The following HNF4G variants were observed in gnomAD, a reference collection of about 807,000 sequenced individuals.
The protein encoded by HNF4G is hepatocyte nuclear factor 4 gamma, also known as hepatocyte nuclear factor 4-gamma.
HNF4G carries 21 observed loss-of-function variants against 50.9 expected under a neutral mutation model. The ratio of observed to expected loss-of-function variants is 0.41; its 90% CI spans 0.29 to 0.59. HNF4G has a LOEUF of 0.59. Among genes scored for constraint, HNF4G ranks in the 20% least tolerant of loss-of-function variants. The pLI, the probability that HNF4G is intolerant of heterozygous loss-of-function variation, is 0.26. For missense variants in HNF4G, 527 were observed against 559.4 expected, an observed-to-expected ratio of 0.94 and a Z score of 0.58; for synonymous variants, 198 against 185.6, an observed-to-expected ratio of 1.07 and a Z score of -0.54.
At chr8:75,478,383 G>A (rs568900965) in intron 1 of HNF4G, among the ~76,000 whole-genome samples, 1 of 152,300 alleles carries the variant, frequency 6.6e-6, no homozygotes, top group African/African-American at 2.4e-5. Flanking sequence ...GAATACTTCC[G>A]CAGGCATTCT....
chr8:75,455,347 T>G (rs1209137469), intron 1 of HNF4G, among the ~76,000 whole-genome samples: 1 of 152,204 alleles, frequency 6.6e-6, no homozygotes, highest in Non-Finnish European at 1.5e-5. Context: ...TTTGTTTTTA[T>G]TTAATCATAT....
At chr8:75,494,341 CACACACACAG>C (rs1237965830) in intron 2 of HNF4G, among the ~76,000 whole-genome samples, 1 of 145,992 alleles carries the variant, frequency 6.8e-6, no homozygotes, top group Non-Finnish European at 1.5e-5. Flanking sequence ...CACACACACA[CACACACACAG>C]GTTGACAATA....
intron 1 of HNF4G, among the ~76,000 whole-genome samples, chr8:75,488,541 G>A (rs558859438): frequency 2.2e-4 from 34 of 152,204 alleles, no homozygotes; most frequent in African/African-American, 8.2e-4. Flanking sequence ...GCTTCCCAAA[G>A]TGCTGGGATT....
chr8:75,467,779 T>A (rs1046906305), intron 1 of HNF4G, among the ~76,000 whole-genome samples: 22 of 152,322 alleles, frequency 1.4e-4, no homozygotes, highest in Middle Eastern at 3.4e-3. Context: ...TATTTTTTTT[T>A]AAAATGTCAT....
Position 75,558,535 on chromosome 8 carries a change from C to G in HNF4G, c.751C>G (p.His251Asp). The G allele has an allele frequency of 6.2e-7, 1 of 1,612,212 alleles. No homozygotes were observed. Among genetic ancestry groups the G allele is most frequent in the Non-Finnish European group, 8.5e-7 (1 of 1,179,426 alleles). Residue 251 changes from histidine to aspartate, a missense_variant, in exon 7 of 10, where the codon CAC (histidine) becomes GAC (aspartate). Physicochemically the swap from His to Asp is moderately conservative, Grantham distance 81. Around this residue, in one of 5 missense-constraint regions of HNF4G, gnomAD observed 308 missense variants for 301.5 expected, o/e 1.02. Coordinates refer to ENST00000396423, the MANE Select transcript of HNF4G (RefSeq NM_004133.5). The part of the protein sequence containing the change: ...ILLLGNNYVI[H>D]RNSCEVEISR... ...TCTCATAGGAAACAACTATGTTATTCACCGCAACAGCTGTGAAGTTGAGAT... is the reference window on the plus strand; with the variant it reads ...TCTCATAGGAAACAACTATGTTATTGACCGCAACAGCTGTGAAGTTGAGAT...
At chr8:75,527,512 G>T (rs950535515) in intron 2 of HNF4G, among the ~76,000 whole-genome samples, 2 of 151,970 alleles carry the variant, frequency 1.3e-5, no homozygotes, top group Non-Finnish European at 2.9e-5. Context: ...AATGAGAATC[G>T]GTATACAAAC....
At chr8:75,560,596 C>A in intron 9 of HNF4G, 130 bp downstream of exon 9, 1 of 695,274 alleles carries the variant, frequency 1.4e-6, no homozygotes, top group Non-Finnish European at 2.4e-6. Context: ...TGAGACTCAG[C>A]AGTAGAAGAC....
intron 1 of HNF4G, among the ~76,000 whole-genome samples, chr8:75,481,319 C>T (rs188986039): frequency 1.3e-5 from 2 of 152,170 alleles, no homozygotes; most frequent in Admixed American, 6.5e-5. Context: ...TGTGCTTTTC[C>T]ACTTCTGGAA....
At chr8:75,512,576 T>G (rs1221428697) in intron 2 of HNF4G, among the ~76,000 whole-genome samples, 2 of 152,110 alleles carry the variant, frequency 1.3e-5, no homozygotes, top group Non-Finnish European at 2.9e-5. Context: ...GCCATTCTCC[T>G]GACTCGGCCT....
chr8:75,466,637 T>TTCCTTCCTTCG (rs1563517767), intron 1 of HNF4G, among the ~76,000 whole-genome samples: 2 of 21,206 alleles, frequency 9.4e-5, no homozygotes, highest in African/African-American at 2.9e-4. Flanking sequence ...TCCTTCCTTC[T>TTCCTTCCTTCG]CCCTTCCCTT....
chr8:75,413,371 C>G (rs564664324), intron 1 of HNF4G, among the ~76,000 whole-genome samples: 31 of 111,126 alleles, frequency 2.8e-4, no homozygotes, highest in African/African-American at 1.0e-3. Context: ...GTGAGAACTA[C>G]GATAGTGGCC....
At chr8:75,423,599 C>T (rs946670518) in intron 1 of HNF4G, among the ~76,000 whole-genome samples, 2 of 151,688 alleles carry the variant, frequency 1.3e-5, no homozygotes, top group African/African-American at 4.8e-5. Context: ...ACCTTGTTAG[C>T]CAGGATGGTC....
At chr8:75,410,304 A>T (rs1810470455) in intron 1 of HNF4G, among the ~76,000 whole-genome samples, 1 of 152,196 alleles carries the variant, frequency 6.6e-6, no homozygotes, top group African/African-American at 2.4e-5. Context: ...TTCTTGTACC[A>T]TGCTTGCCAA....
At chr8:75,464,478 AT>A (rs928195127) in intron 1 of HNF4G, among the ~76,000 whole-genome samples, 1 of 151,658 alleles carries the variant, frequency 6.6e-6, no homozygotes, top group African/African-American at 2.4e-5. Context: ...ATTGTCTCAG[AT>A]TTTTTCCCCT....
chr8:75,502,866 T>C (rs186022033), intron 2 of HNF4G, among the ~76,000 whole-genome samples: 9 of 152,300 alleles, frequency 5.9e-5, no homozygotes, highest in Admixed American at 5.2e-4. Flanking sequence ...TCTGAAATTG[T>C]CTGTTAGTAG....
In HNF4G at chr8:75,544,093, A is replaced by G. The variant is rs918105410; in HGVS notation, c.287+114A>G. The G allele has an allele frequency of 4.2e-5, 37 of 870,718 alleles. No homozygotes were observed. The African/African-American group carries it at 4.6e-4, about 11-fold the overall frequency. The allele number at this position is 870,718 out of a possible 1,614,324, so 53.9% of individuals were successfully genotyped here. A position where few individuals can be genotyped will look rare whatever the true frequency, so the allele number is the denominator to read the frequency against. ...GTATATCTGTAAGTCTATAAATACA[A>G]TCTCTAAACTGCGGTACAAGTAAGA... is the stretch of plus-strand genomic sequence containing the variant. On this transcript the variant is annotated intron_variant, in intron 2 of 9. Transcript: ENST00000396423.
intron 1 of HNF4G, among the ~76,000 whole-genome samples, chr8:75,415,718 A>G (rs1036369138): frequency 3.3e-5 from 5 of 151,898 alleles, no homozygotes; most frequent in African/African-American, 1.2e-4. Flanking sequence ...GTCAATATCA[A>G]ATATAGGTTT....
rs1390639495 is a variant in HNF4G at position 75,566,001 on chromosome 8, A to G, written c.*1905A>G. ...TTGATCATACAAATAACTTTTGTAG[A>G]TTTTTGTTTACTTTTGGGGGGGTTC... On this transcript the variant is annotated 3_prime_UTR_variant, in exon 10 of 10. Coordinates refer to ENST00000396423, the MANE Select transcript of HNF4G (RefSeq NM_004133.5). 1 of 150,394 alleles carries G rather than the reference A, an allele frequency of 6.6e-6. No individual in the cohort carries two copies. Among genetic ancestry groups the G allele is most frequent in the Non-Finnish European group, 1.5e-5 (1 of 67,872 alleles). 9.3% of individuals were successfully genotyped at this position (150,394 alleles called of 1,614,324 possible). A position where few individuals can be genotyped will look rare whatever the true frequency, so the allele number is the denominator to read the frequency against.
intron 2 of HNF4G, among the ~76,000 whole-genome samples, chr8:75,499,659 A>G (rs1175283001): frequency 6.6e-6 from 1 of 152,078 alleles, no homozygotes; most frequent in African/African-American, 2.4e-5. Context: ...CAGTAATTAA[A>G]GCTGTACAGT....
Sources: gnomAD v4.1 joint callset for allele counts (sites outside exome capture counted in the v4.1 genomes callset) on GRCh38, gnomAD v4.1.1 for gene constraint, gnomAD v4.1.1 regional missense constraint, MANE v1.5 for transcripts, NCBI Gene and HGNC (gene_info 2026-07-23, HGNC 2026-07-21) for gene names.